The following CUL3 variants were observed in gnomAD, a reference collection of about 807,000 sequenced individuals.
The protein encoded by CUL3 is cullin 3, also known as cullin-3.
A neutral mutation model predicts 89.1 loss-of-function variants in CUL3; 19 were observed. The ratio of observed to expected loss-of-function variants is 0.21; its 90% CI spans 0.15 to 0.31. The LOEUF (loss-of-function observed/expected upper bound fraction) is 0.31, where lower values mean the gene tolerates loss of function less well. Among genes scored for constraint, CUL3 ranks in the 10% least tolerant of loss-of-function variants. The probability of loss-of-function intolerance (pLI) is 1.00; values close to 1 mark genes in which losing one functional copy is unlikely to be tolerated. For synonymous variants in CUL3, 351 were observed against 308.4 expected, an observed-to-expected ratio of 1.14 and a Z score of -1.45; for missense variants, 469 against 942.3, an observed-to-expected ratio of 0.50 and a Z score of 6.58.
chr2:224,526,713 G>A (rs1360286699), intron 3 of CUL3, among the ~76,000 whole-genome samples: 5 of 150,836 alleles, frequency 3.3e-5, no homozygotes, highest in Admixed American at 6.6e-5. Flanking sequence ...TTAATGTCAT[G>A]GACTGCTAAA....
At chr2:224,564,226 T>C in intron 1 of CUL3, among the ~76,000 whole-genome samples, 1 of 152,200 alleles carries the variant, frequency 6.6e-6, no homozygotes, top group East Asian at 1.9e-4. Flanking sequence ...GAGGCTGCAC[T>C]GAGCTGACAT....
chr2:224,514,705 T>C lies in CUL3; in HGVS notation c.446A>G (p.Asp149Gly), dbSNP rs927785344. 6.2e-7 allele frequency: 1 copy of C among 1,613,322 alleles called. No individual in the cohort carries two copies. Among genetic ancestry groups the C allele is most frequent in the African/African-American group, 1.3e-5 (1 of 74,902 alleles). ...AATACACCCATAACGTACAACTTGA[T>C]CTCGAAAAATAATTAATCCCAAATT... ...VYNLGLIIFR[D>G]QVVRYGCIRD... is the part of the protein sequence containing the mutation. Residue 149 changes from aspartate (D) to glycine (G), a missense_variant, in exon 4 of 16, where the codon GAT (aspartate) becomes GGT (glycine). Physicochemically the swap from Asp to Gly is moderately conservative, Grantham distance 94. Transcript: ENST00000264414.
At chr2:224,524,026 T>C (rs1693373094) in intron 3 of CUL3, among the ~76,000 whole-genome samples, 2 of 152,126 alleles carry the variant, frequency 1.3e-5, no homozygotes, top group African/African-American at 4.8e-5. Context: ...GTACACTTAA[T>C]AGCTCTGAAC....
chr2:224,523,921 A>T (rs951414183), intron 3 of CUL3, among the ~76,000 whole-genome samples: 10 of 152,164 alleles, frequency 6.6e-5, no homozygotes, highest in African/African-American at 2.4e-4. Flanking sequence ...GGGAAAATGG[A>T]AAGTTACTGT....
At chr2:224,479,794 C>G (rs750147530) in intron 14 of CUL3, 23 of 152,144 alleles carry the variant, frequency 1.5e-4, no homozygotes, top group African/African-American at 5.1e-4. Flanking sequence ...GTGCTTTTCA[C>G]TTTCTTTGTG....
At chr2:224,505,856 G>T (rs1039390435) in intron 8 of CUL3, 100 bp downstream of exon 8, 4 of 749,592 alleles carry the variant, frequency 5.3e-6, no homozygotes, top group Non-Finnish European at 8.0e-6. Context: ...CACAGCAATG[G>T]GTCATGCTTA....
rs762603284 is a variant in CUL3, at chr2:224,511,342, G to A, written c.883+12C>T. ...GTAAGGATTTAATTATTTTTCAATC[G>A]GTAACACTTACCTTCTGTCTTTCCA... On this transcript the variant is annotated intron_variant, in intron 6 of 15. Transcript: ENST00000264414. 4 of 1,536,486 alleles carry A rather than the reference G, an allele frequency of 2.6e-6. No individual in the cohort carries two copies. The highest frequency in any genetic ancestry group is 2.3e-5 in the East Asian group (1 of 43,472).
intron 2 of CUL3, among the ~76,000 whole-genome samples, chr2:224,538,089 G>T (rs1308521202): frequency 1.3e-5 from 2 of 152,166 alleles, no homozygotes; most frequent in South Asian, 4.1e-4. Context: ...CAATAACGGT[G>T]AATTTTACTA....
chr2:224,513,048 TAC>T (rs1409213734), intron 5 of CUL3, among the ~76,000 whole-genome samples: 1 of 152,222 alleles, frequency 6.6e-6, no homozygotes, highest in African/African-American at 2.4e-5. Context: ...AACAGTAAAT[TAC>T]AGTTTATCTT....
chr2:224,547,405 C>T (rs1355882085), intron 2 of CUL3, among the ~76,000 whole-genome samples: 1 of 152,166 alleles, frequency 6.6e-6, no homozygotes. Flanking sequence ...ACTTTCTCTC[C>T]TTGTTATCTA....
chr2:224,577,895 G>C (rs1022461947), intron 1 of CUL3, among the ~76,000 whole-genome samples: 3 of 152,162 alleles, frequency 2.0e-5, no homozygotes, highest in Admixed American at 6.5e-5. Context: ...TCTTAAGAGT[G>C]CTCACTTTAG....
At chr2:224,514,846 T>C in intron 3 of CUL3, 74 bp from the exon 4 acceptor site, 2 of 1,057,946 alleles carry the variant, frequency 1.9e-6, no homozygotes, top group Middle Eastern at 2.5e-4. Flanking sequence ...CAATAACAAA[T>C]AAAGGAAATA....
intron 15 of CUL3, among the ~76,000 whole-genome samples, chr2:224,474,878 G>A (rs754134775): frequency 2.0e-5 from 3 of 152,128 alleles, no homozygotes; most frequent in Non-Finnish European, 4.4e-5. Flanking sequence ...ATCATAGTAA[G>A]TGCTTCTGTT....
chr2:224,534,371 G>C (rs188035970), intron 3 of CUL3, among the ~76,000 whole-genome samples: 26 of 152,250 alleles, frequency 1.7e-4, no homozygotes, highest in African/African-American at 6.3e-4. Flanking sequence ...AACAAGACTA[G>C]CTGCAATATT....
chr2:224,542,736 C>G (rs1300658216), intron 2 of CUL3, among the ~76,000 whole-genome samples: 1 of 152,086 alleles, frequency 6.6e-6, no homozygotes, highest in East Asian at 1.9e-4. Flanking sequence ...ATAAAACCTG[C>G]TTAATGATAA....
At chr2:224,576,688 G>A (rs76309392) in intron 1 of CUL3, among the ~76,000 whole-genome samples, 267 of 8,914 alleles carry the variant, frequency 0.03, 1 homozygote, top group African/African-American at 0.1. Context: ...TGAAAAAAAA[G>A]GGGGGGGGGG....
intron 1 of CUL3, among the ~76,000 whole-genome samples, chr2:224,581,311 G>A (rs767449630): frequency 4.6e-5 from 7 of 151,042 alleles, no homozygotes; most frequent in African/African-American, 1.2e-4. Context: ...CAGAAGAATC[G>A]CTCGAACCCA....
In CUL3 at chr2:224,494,617, T is replaced by C. The variant is rs1241645139; in HGVS notation, c.1842+1215A>G. On this transcript the variant is annotated intron_variant, in intron 13 of 15. Transcript: ENST00000264414. The stretch of plus-strand genomic sequence containing the variant: ...CACCCATATATGATCAATTGATTTT[T>C]AAATAATGACGACAAGGTAATTCGG... 3.3e-5 allele frequency among the ~76,000 whole-genome samples: 5 copies of C among 152,264 alleles called. No individual in the cohort carries two copies. The East Asian group carries it at 9.6e-4, about 29-fold the overall frequency.
chr2:224,518,767 A>G (rs1450107953), intron 3 of CUL3, among the ~76,000 whole-genome samples: 1 of 152,178 alleles, frequency 6.6e-6, no homozygotes, highest in Non-Finnish European at 1.5e-5. Context: ...AATAATATAC[A>G]TGCAGGATCA....
Sources: allele counts gnomAD v4.1 joint callset (sites outside exome capture counted in the v4.1 genomes callset), GRCh38; gene constraint gnomAD v4.1.1; transcripts MANE v1.5; gene names NCBI Gene and HGNC (gene_info 2026-07-23, HGNC 2026-07-21).